Variants in CFAP299 observed in about 807,000 individuals in gnomAD.
The protein encoded by CFAP299 is cilia- and flagella-associated protein 299.
In CFAP299, 21 loss-of-function variants were observed where a neutral mutation model predicts 27.0. That is an observed-to-expected ratio of 0.78 (90% CI 0.55 to 1.12). CFAP299 has a LOEUF of 1.12. CFAP299 is among the 50% of genes most tolerant of loss of function. The probability of loss-of-function intolerance (pLI) is 0.00; values close to 1 mark genes in which losing one functional copy is unlikely to be tolerated. For missense variants in CFAP299, 310 were observed against 276.6 expected (o/e 1.12, Z -0.86); for synonymous variants, 104 against 98.1 (o/e 1.06, Z -0.36).
chr4:80,644,155 C>T (rs1199359799), intron 3 of CFAP299, among the ~76,000 whole-genome samples: 1 of 152,130 alleles, frequency 6.6e-6, no homozygotes, highest in Non-Finnish European at 1.5e-5. Flanking sequence ...AAGCCACTTA[C>T]AGAGTAATGT....
chr4:80,420,281 A>G (rs1235018239), intron 2 of CFAP299: 3 of 454,038 alleles, frequency 6.6e-6, no homozygotes, highest in South Asian at 1.6e-5. Flanking sequence ...ACCTGTTTCC[A>G]TCAATGCTGA....
intron 4 of CFAP299, among the ~76,000 whole-genome samples, chr4:80,880,432 C>A (rs72865168): frequency 6.6e-6 from 1 of 151,958 alleles, no homozygotes; most frequent in African/African-American, 2.4e-5. Context: ...ATTCAGAATG[C>A]GGTTAAGAAA....
At chr4:80,639,191 A>T (rs573250009) in intron 3 of CFAP299, among the ~76,000 whole-genome samples, 3 of 152,204 alleles carry the variant, frequency 2.0e-5, no homozygotes, top group Non-Finnish European at 4.4e-5. Flanking sequence ...TGCACTAGGC[A>T]TAAGTAAGAC....
intron 3 of CFAP299, among the ~76,000 whole-genome samples, chr4:80,604,903 A>AAAG (rs1737572672): frequency 6.6e-6 from 1 of 151,560 alleles, no homozygotes; most frequent in Admixed American, 6.6e-5. Context: ...AAAAAAAAAA[A>AAAG]ACATGTAATC....
At chr4:80,799,713 T>A (rs1393326640) in intron 3 of CFAP299, among the ~76,000 whole-genome samples, 1 of 55,852 alleles carries the variant, frequency 1.8e-5, no homozygotes, top group Non-Finnish European at 2.9e-5. Flanking sequence ...ATATATTTTA[T>A]ATATTATATT....
intron 3 of CFAP299, among the ~76,000 whole-genome samples, chr4:80,863,261 A>G (rs1465924333): frequency 6.8e-6 from 1 of 148,044 alleles, no homozygotes. Context: ...ATTTCGATGT[A>G]TCAGTTTTAT....
chr4:80,626,234 G>A (rs1738896644), intron 3 of CFAP299, among the ~76,000 whole-genome samples: 1 of 151,888 alleles, frequency 6.6e-6, no homozygotes, highest in Non-Finnish European at 1.5e-5. Context: ...AAATTAATTA[G>A]AGGAGACACT....
At chr4:80,567,172 T>G (rs1735343171) in intron 2 of CFAP299, among the ~76,000 whole-genome samples, 1 of 152,124 alleles carries the variant, frequency 6.6e-6, no homozygotes, top group Non-Finnish European at 1.5e-5. Context: ...CTTGACTTTC[T>G]TCTGTGTGCC....
intron 3 of CFAP299, among the ~76,000 whole-genome samples, chr4:80,710,912 A>G (rs1722125116): frequency 6.6e-6 from 1 of 152,164 alleles, no homozygotes; most frequent in Non-Finnish European, 1.5e-5. Context: ...TGTAAGGAAC[A>G]TGACTGTGCT....
In CFAP299 at chr4:80,352,651, G is replaced by T. The variant is rs1723071547; in HGVS notation, c.112-10103G>T. ...ATGCACATGGGACATTTATGAAGAA[G>T]GACCATATGCAGGGTCATAAAACAA... On this transcript the variant is annotated intron_variant, in intron 1 of 5. Transcript: ENST00000358105. Among the ~76,000 whole-genome samples, 3 of 152,124 alleles carry T rather than the reference G, an allele frequency of 2.0e-5. No homozygotes were observed. The South Asian group carries it at 6.2e-4, about 32-fold the overall frequency.
At chr4:80,902,890 A>G (rs1262475177) in intron 4 of CFAP299, among the ~76,000 whole-genome samples, 2 of 150,812 alleles carry the variant, frequency 1.3e-5, no homozygotes, top group African/African-American at 4.9e-5. Context: ...AGTCTTGTAC[A>G]TATATATATA....
intron 2 of CFAP299, among the ~76,000 whole-genome samples, chr4:80,366,694 G>C (rs1441679297): frequency 6.6e-6 from 1 of 152,118 alleles, no homozygotes; most frequent in Non-Finnish European, 1.5e-5. Flanking sequence ...ATATGACCCA[G>C]CAATTCTACC....
chr4:80,686,532 C>T (rs1209833274), intron 3 of CFAP299, among the ~76,000 whole-genome samples: 1 of 152,138 alleles, frequency 6.6e-6, no homozygotes, highest in Admixed American at 6.5e-5. Context: ...TATACAAATC[C>T]TACTGAATAT....
intron 3 of CFAP299, among the ~76,000 whole-genome samples, chr4:80,868,385 A>G (rs2110166168): frequency 6.6e-6 from 1 of 152,256 alleles, no homozygotes; most frequent in South Asian, 2.1e-4. Flanking sequence ...TATTTTGCTC[A>G]CTGGAAAGAA....
chr4:80,911,888 C>T (rs967058875), intron 4 of CFAP299, among the ~76,000 whole-genome samples: 3 of 151,852 alleles, frequency 2.0e-5, no homozygotes, highest in African/African-American at 7.3e-5. Context: ...TAGTTTTTGA[C>T]ACTATAACAC....
intron 2 of CFAP299, among the ~76,000 whole-genome samples, chr4:80,411,281 C>A (rs1726708169): frequency 1.3e-5 from 2 of 152,122 alleles, no homozygotes. Context: ...TTTGAAGAAA[C>A]AGCAATCCAT....
chr4:80,522,837 AT>A (rs1162605333), intron 2 of CFAP299, among the ~76,000 whole-genome samples: 1 of 151,688 alleles, frequency 6.6e-6, no homozygotes, highest in African/African-American at 2.4e-5. Flanking sequence ...CAGCTCTCTT[AT>A]TTTTTTCCAT....
intron 3 of CFAP299, among the ~76,000 whole-genome samples, chr4:80,741,155 C>A (rs1724241040): frequency 1.3e-5 from 2 of 151,394 alleles, no homozygotes; most frequent in South Asian, 4.2e-4. Context: ...TACTGTTTCA[C>A]TCCTGAACAG....
At chr4:80,577,311 C>T (rs1735918410) in intron 2 of CFAP299, among the ~76,000 whole-genome samples, 1 of 151,802 alleles carries the variant, frequency 6.6e-6, no homozygotes, top group Non-Finnish European at 1.5e-5. Context: ...AAAGTCAGTG[C>T]CCGATAGCTA....
Sources: gnomAD v4.1 joint callset for allele counts (sites outside exome capture counted in the v4.1 genomes callset) on GRCh38, gnomAD v4.1.1 for gene constraint, MANE v1.5 for transcripts, NCBI Gene and HGNC (gene_info 2026-07-23, HGNC 2026-07-21) for gene names.